The following SETD2 variants were observed in gnomAD, a reference collection of about 807,000 sequenced individuals.
SETD2 encodes the protein histone-lysine N-methyltransferase SETD2.
A neutral mutation model predicts 242.1 loss-of-function variants in SETD2; 31 were observed. The observed-to-expected ratio is 0.13, with a 90% CI of 0.10 to 0.17. The LOEUF (loss-of-function observed/expected upper bound fraction) is 0.17. Among genes scored for constraint, SETD2 ranks in the 10% least tolerant of loss-of-function variants. The probability of loss-of-function intolerance (pLI) is 1.00; values close to 1 mark genes in which losing one functional copy is unlikely to be tolerated. For missense variants in SETD2, 2,481 were observed against 3,046.3 expected (o/e 0.81, Z 4.37); for synonymous variants, 1,006 against 1,066.5 (o/e 0.94, Z 1.11).
intron 6 of SETD2, among the ~76,000 whole-genome samples, chr3:47,103,672 CA>C (rs1273907101): frequency 6.6e-6 from 1 of 151,584 alleles, no homozygotes; most frequent in Non-Finnish European, 1.5e-5. Flanking sequence ...TTAACCCAAT[CA>C]AAAAAAATTT....
chr3:47,097,996 C>T lies in SETD2; in HGVS notation c.5101G>A (p.Gly1701Arg), dbSNP rs2107674321. The change falls in exon 9 of 21, where the codon GGA becomes AGA. Residue 1701 changes from glycine (G) to arginine (R), a missense_variant. Coordinates refer to ENST00000409792, the MANE Select transcript of SETD2 (RefSeq NM_014159.7). The stretch of plus-strand genomic sequence containing the variant: ...GATCGTTCCTTCTTCATTTTCCCTC[C>T]TGCTGCTCTGATGCTGACTCTGTTT... ...GENRVSIRAA[G>R]GKMKKERSRK... is the part of the protein sequence containing the mutation. 1 of 1,614,044 alleles carries T rather than the reference C, an allele frequency of 6.2e-7. No individual in the cohort carries two copies. Among genetic ancestry groups the T allele is most frequent in the Non-Finnish European group, 8.5e-7 (1 of 1,179,934 alleles).
intron 5 of SETD2, among the ~76,000 whole-genome samples, chr3:47,108,155 T>TA (rs1559728382): frequency 6.6e-6 from 1 of 151,982 alleles, no homozygotes; most frequent in African/African-American, 2.4e-5. Context: ...AAACATTTTT[T>TA]AAAAACTTAA....
chr3:47,164,064 A>ACCTCGCTCGTCGCTC lies in SETD2; in HGVS notation c.-155_-141dup. ...GGCGGCAGGGGCGGCCCGCGTCGCTACCTCGCTCGTCGCTCCCTCCCTCCC... is the reference window on the plus strand; with the variant it reads ...GGCGGCAGGGGCGGCCCGCGTCGCTACCTCGCTCGTCGCTCCCTCGCTCGTCGCTCCCTCCCTCCC... On this transcript the variant is annotated 5_prime_UTR_variant, in exon 1 of 21. Coordinates refer to ENST00000409792, the MANE Select transcript of SETD2 (RefSeq NM_014159.7). The surrounding 1 kb of genome is among the most constrained non-coding windows in gnomAD (Gnocchi z 5.4). 1.7e-6 allele frequency: 2 copies of ACCTCGCTCGTCGCTC among 1,199,546 alleles called. No homozygotes were observed. The highest frequency in any genetic ancestry group is 2.1e-6 in the Non-Finnish European group (2 of 961,724). The allele number at this position is 1,199,546 out of a possible 1,614,324, so 74.3% of individuals were successfully genotyped here.
At chr3:47,155,840 T>C (rs1195765179) in intron 1 of SETD2, among the ~76,000 whole-genome samples, 2 of 151,874 alleles carry the variant, frequency 1.3e-5, no homozygotes, top group Non-Finnish European at 2.9e-5. Flanking sequence ...TTGTTTTTGT[T>C]GTTTTTTTTT....
At chr3:47,102,393 A>T (rs965900464) in intron 7 of SETD2, among the ~76,000 whole-genome samples, 1 of 152,230 alleles carries the variant, frequency 6.6e-6, no homozygotes, top group African/African-American at 2.4e-5. Flanking sequence ...ATTAGTGTAT[A>T]GTTCAAAGGG....
In SETD2 at chr3:47,122,308, T is replaced by C. The variant is rs1261564390; in HGVS notation, c.2328A>G (p.Lys776=). The C allele has an allele frequency of 6.2e-7, 1 of 1,614,210 alleles. No homozygotes were observed. Among genetic ancestry groups the C allele is most frequent in the South Asian group, 1.1e-5 (1 of 91,086 alleles). ...AAGAAACCCTCGTATCAACTGGTTC[T>C]TTAACTACTGTTTTGGAATAATCCA... The part of the protein sequence containing the change: ...MTVDYSKTVV[K]EPVDTRVSCC... The change falls in exon 3 of 21, where the codon AAA becomes AAG. Residue 776 remains lysine, a synonymous_variant. Coordinates refer to ENST00000409792, the MANE Select transcript of SETD2 (RefSeq NM_014159.7).
At chr3:47,062,092 A>G in intron 14 of SETD2, 71 bp downstream of exon 14, 2 of 1,390,180 alleles carry the variant, frequency 1.4e-6, no homozygotes, top group Non-Finnish European at 2.0e-6. Flanking sequence ...AATCAGAAGT[A>G]TATGACTTGG....
chr3:47,042,602 T>C lies in SETD2; in HGVS notation c.7197A>G (p.Arg2399=), dbSNP rs201274969. 2 of 1,614,088 alleles carry C rather than the reference T, an allele frequency of 1.2e-6. No homozygotes were observed. The highest frequency in any genetic ancestry group is 4.5e-5 in the East Asian group (2 of 44,864). Residue 2399 remains arginine, a synonymous_variant, in exon 17 of 21, where the codon CGA becomes CGG. Coordinates refer to ENST00000409792, the MANE Select transcript of SETD2 (RefSeq NM_014159.7). ...AGTAATAAATCTTCCCTTCTGGATC[T>C]CGAGCTGTCTTCCAGTTGGGAGGTA... ...IVLPPNWKTA[R]DPEGKIYYYH... is the part of the protein sequence containing the mutation.
chr3:47,123,161 T>C lies in SETD2; in HGVS notation c.1475A>G (p.Asp492Gly), dbSNP rs2043175294. 6.2e-7 allele frequency: 1 copy of C among 1,611,286 alleles called. No homozygotes were observed. The highest frequency in any genetic ancestry group is 8.5e-7 in the Non-Finnish European group (1 of 1,178,246). The change falls in exon 3 of 21, where the codon GAT becomes GGT. Residue 492 changes from aspartate to glycine, a missense_variant. Coordinates refer to ENST00000409792, the MANE Select transcript of SETD2 (RefSeq NM_014159.7). ...DLRTSSYSKS[D>G]RDCKTETSYL... ...AGAGGTCTCAGTTTTACAGTCCCGA[T>C]CAGATTTAGAATAGGATGATGTCCT...
rs373322526 is a variant in SETD2, at chr3:47,134,251, G to C, written c.72-7588C>G. 2.6e-5 allele frequency among the ~76,000 whole-genome samples: 4 copies of C among 152,296 alleles called. No individual in the cohort carries two copies. In the South Asian group the frequency reaches 8.3e-4, roughly 32 times the overall value. ...GTACAGGTGGAAGCCTCTGTTGTGG[G>C]GGGGAAAAGTTTGGAACGAATGAGT... On this transcript the variant is annotated intron_variant, in intron 1 of 20. Coordinates refer to ENST00000409792, the MANE Select transcript of SETD2 (RefSeq NM_014159.7).
chr3:47,125,620 C>T (rs1335668980), intron 2 of SETD2, among the ~76,000 whole-genome samples: 1 of 152,222 alleles, frequency 6.6e-6, no homozygotes, highest in Non-Finnish European at 1.5e-5. Flanking sequence ...GGAGAGTACT[C>T]TGCCTTGGCA....
At chr3:47,152,178 T>A (rs2044001319) in intron 1 of SETD2, among the ~76,000 whole-genome samples, 1 of 152,244 alleles carries the variant, frequency 6.6e-6, no homozygotes. Context: ...TATGGTTACC[T>A]TGAGGCAAAC....
chr3:47,162,767 T>C (rs1697528486), intron 1 of SETD2, among the ~76,000 whole-genome samples: 2 of 152,204 alleles, frequency 1.3e-5, no homozygotes, highest in Admixed American at 6.5e-5. Flanking sequence ...CAATAGTATA[T>C]TCCTAGGTCT....
intron 15 of SETD2, among the ~76,000 whole-genome samples, chr3:47,056,620 C>A (rs2040093231): frequency 6.6e-6 from 1 of 152,108 alleles, no homozygotes; most frequent in Admixed American, 6.6e-5. Context: ...CCAGATCCAC[C>A]CTGCTAAGCT....
chr3:47,114,124 G>A (rs918101377), intron 4 of SETD2, 120 bp from the exon 5 acceptor site: 2 of 980,410 alleles, frequency 2.0e-6, no homozygotes, highest in Non-Finnish European at 3.0e-6. Flanking sequence ...ATTAGCATAT[G>A]TATGACTAAC....
intron 4 of SETD2, among the ~76,000 whole-genome samples, chr3:47,115,282 G>A (rs186947883): frequency 9.2e-4 from 140 of 152,160 alleles, no homozygotes; most frequent in Non-Finnish European, 1.6e-3. Flanking sequence ...GAGAACAACC[G>A]AGAACTACCA....
rs140900510 is a variant in SETD2 at position 47,104,404 on chromosome 3, G to T, written c.4840-981C>A. Among the ~76,000 whole-genome samples, 1,501 of 151,988 alleles carry T rather than the reference G, an allele frequency of 9.9e-3. 30 individuals carry two copies. Among genetic ancestry groups the T allele is most frequent in the African/African-American group, 0.035 (1,447 of 41,456 alleles). On this transcript the variant is annotated intron_variant, in intron 6 of 20. Coordinates refer to ENST00000409792, the MANE Select transcript of SETD2 (RefSeq NM_014159.7). ...AAAATTTAAAAATAAGCCAGGCATGGTGGCATGTGCCTGTAGTTCCAGCAC... is the reference window on the plus strand; with the variant it reads ...AAAATTTAAAAATAAGCCAGGCATGTTGGCATGTGCCTGTAGTTCCAGCAC...
chr3:47,124,768 C>T (rs2043259862), intron 2 of SETD2, among the ~76,000 whole-genome samples: 2 of 152,164 alleles, frequency 1.3e-5, no homozygotes, highest in African/African-American at 4.8e-5. Flanking sequence ...CTCCAAGCTT[C>T]AACAATTACC....
chr3:47,153,714 C>T (rs972324743), intron 1 of SETD2, among the ~76,000 whole-genome samples: 1 of 151,594 alleles, frequency 6.6e-6, no homozygotes. Context: ...GATCATACCA[C>T]TGCACTCCAG....
Sources: gnomAD v4.1 joint callset for allele counts (sites outside exome capture counted in the v4.1 genomes callset) on GRCh38, gnomAD v4.1.1 for gene constraint, Gnocchi (gnomAD v3.1) non-coding constraint, MANE v1.5 for transcripts, NCBI Gene and HGNC (gene_info 2026-07-23, HGNC 2026-07-21) for gene names.